Variants in GALNT17 observed in about 807,000 individuals in gnomAD.
GALNT17 encodes polypeptide N-acetylgalactosaminyltransferase 17.
A neutral mutation model predicts 63.7 loss-of-function variants in GALNT17; 29 were observed. The ratio of observed to expected loss-of-function variants is 0.46; its 90% CI spans 0.34 to 0.62. The LOEUF (loss-of-function observed/expected upper bound fraction) is 0.62. GALNT17 is among the 20% of genes least tolerant of loss of function. The pLI is 0.01. For missense variants in GALNT17, 603 were observed against 799.6 expected, an observed-to-expected ratio of 0.75 and a Z score of 2.97; for synonymous variants, 305 against 318.3, an observed-to-expected ratio of 0.96 and a Z score of 0.45.
chr7:71,228,419 G>T (rs770626452), intron 1 of GALNT17, among the ~76,000 whole-genome samples: 1 of 152,276 alleles, frequency 6.6e-6, no homozygotes, highest in African/African-American at 2.4e-5. Context: ...TTTGTTTCCT[G>T]TAGCCCTTGT....
chr7:71,306,721 G>T (rs1791306379), intron 1 of GALNT17, among the ~76,000 whole-genome samples: 1 of 152,198 alleles, frequency 6.6e-6, no homozygotes, highest in South Asian at 2.1e-4. Context: ...TTCATCTGTT[G>T]ATGGGTACTT....
chr7:71,357,227 T>A (rs2527288), intron 2 of GALNT17, among the ~76,000 whole-genome samples: 4,776 of 152,266 alleles, frequency 0.031, 248 homozygotes, highest in African/African-American at 0.11. Flanking sequence ...TGGGACGCAC[T>A]GCAGGAAGTG....
At chr7:71,287,175 G>A (rs368146929) in intron 1 of GALNT17, among the ~76,000 whole-genome samples, 2 of 151,966 alleles carry the variant, frequency 1.3e-5, no homozygotes, top group Non-Finnish European at 2.9e-5. Flanking sequence ...CTGCATCCTC[G>A]ACCTCCTGAG....
chr7:71,679,787 A>G (rs1018327670), intron 9 of GALNT17, among the ~76,000 whole-genome samples: 2 of 151,880 alleles, frequency 1.3e-5, no homozygotes, highest in African/African-American at 2.4e-5. Context: ...GGCTGCGACA[A>G]CACCAGCTCC....
At chr7:71,329,267 G>T (rs937338302) in intron 1 of GALNT17, among the ~76,000 whole-genome samples, 1 of 152,146 alleles carries the variant, frequency 6.6e-6, no homozygotes, top group African/African-American at 2.4e-5. Flanking sequence ...AAGTACTGGG[G>T]AAGGGAAAGG....
chr7:71,446,561 A>AT (rs1428636804), intron 5 of GALNT17, among the ~76,000 whole-genome samples: 3 of 152,140 alleles, frequency 2.0e-5, no homozygotes, highest in Non-Finnish European at 4.4e-5. Context: ...TTACTTATTT[A>AT]TTTTGAGGTG....
chr7:71,256,551 G>A (rs1003999930), intron 1 of GALNT17, among the ~76,000 whole-genome samples: 11 of 152,214 alleles, frequency 7.2e-5, no homozygotes, highest in Admixed American at 5.2e-4. Flanking sequence ...CAGCCTGGGC[G>A]ACAGAGTGAG....
intron 5 of GALNT17, among the ~76,000 whole-genome samples, chr7:71,544,124 C>CTTTT (rs60144462): frequency 3.8e-5 from 5 of 132,446 alleles, no homozygotes; most frequent in South Asian, 2.5e-4. Context: ...TTTCTTTTTT[C>CTTTT]TTTTTTTTTT....
intron 8 of GALNT17, among the ~76,000 whole-genome samples, chr7:71,671,969 A>G (rs566915877): frequency 4.7e-4 from 70 of 147,510 alleles, no homozygotes; most frequent in African/African-American, 1.6e-3. Context: ...CAGAAGTTGC[A>G]GTGAGCTGAG....
At chr7:71,370,516 C>A (rs540019874) in intron 2 of GALNT17, among the ~76,000 whole-genome samples, 16 of 152,116 alleles carry the variant, frequency 1.1e-4, no homozygotes, top group African/African-American at 3.9e-4. Context: ...ACAGAGTTTC[C>A]ATCTGTCACC....
chr7:71,350,501 A>G (rs1257304315), intron 2 of GALNT17, among the ~76,000 whole-genome samples: 2 of 152,220 alleles, frequency 1.3e-5, no homozygotes, highest in Admixed American at 6.5e-5. Context: ...AAAATACTAG[A>G]AAAAAAATAA....
At chr7:71,139,747 C>T (rs949771685) in intron 1 of GALNT17, among the ~76,000 whole-genome samples, 8 of 152,132 alleles carry the variant, frequency 5.3e-5, no homozygotes, top group Non-Finnish European at 5.9e-5. Context: ...AATCCCAGCA[C>T]TTTGGGAGGC....
intron 1 of GALNT17, among the ~76,000 whole-genome samples, chr7:71,263,826 A>G (rs1268952895): frequency 6.6e-6 from 1 of 152,052 alleles, no homozygotes; most frequent in Non-Finnish European, 1.5e-5. Flanking sequence ...TGGGAGGCTG[A>G]GGCAGGAGAA....
Position 71,591,406 on chromosome 7 carries a change from G to A in GALNT17, c.1080+20004G>A, listed in dbSNP as rs558785164. 1.4e-4 allele frequency among the ~76,000 whole-genome samples: 21 copies of A among 152,170 alleles called. No individual in the cohort carries two copies. The Middle Eastern group carries it at 0.01, about 74-fold the overall frequency. Reference sequence around the variant, plus strand: ...CACAAGGAACAGCTGTAAGGGTCCCGAATTGCTCCCTGCAGCCCTGGATCC... The same window carrying A: ...CACAAGGAACAGCTGTAAGGGTCCCAAATTGCTCCCTGCAGCCCTGGATCC... On this transcript the variant is annotated intron_variant, in intron 6 of 10. Coordinates refer to ENST00000333538, the MANE Select transcript of GALNT17 (RefSeq NM_022479.3).
chr7:71,201,451 C>T (rs866529378), intron 1 of GALNT17, among the ~76,000 whole-genome samples: 8 of 151,672 alleles, frequency 5.3e-5, no homozygotes, highest in African/African-American at 1.5e-4. Context: ...AACTCTTACA[C>T]GGGAGGACAA....
chr7:71,326,794 C>T (rs1791713114), intron 1 of GALNT17, among the ~76,000 whole-genome samples: 1 of 152,120 alleles, frequency 6.6e-6, no homozygotes. Context: ...TCCTTATCAC[C>T]CTAGAAACAC....
At chr7:71,411,937 A>G (rs1429261861) in intron 3 of GALNT17, among the ~76,000 whole-genome samples, 2 of 152,200 alleles carry the variant, frequency 1.3e-5, no homozygotes, top group Non-Finnish European at 2.9e-5. Flanking sequence ...AAACTCTGCC[A>G]AACACTTCAC....
chr7:71,613,965 C>T (rs1307716489), intron 6 of GALNT17, among the ~76,000 whole-genome samples: 2 of 151,780 alleles, frequency 1.3e-5, no homozygotes, highest in African/African-American at 2.4e-5. Context: ...AAAACAAACA[C>T]ACAAAAAACT....
chr7:71,290,052 C>T (rs1202232156), intron 1 of GALNT17, among the ~76,000 whole-genome samples: 1 of 152,002 alleles, frequency 6.6e-6, no homozygotes, highest in African/African-American at 2.4e-5. Context: ...CAAAAAAAAC[C>T]AAAAACAAAA....
Sources: allele counts gnomAD v4.1 joint callset (sites outside exome capture counted in the v4.1 genomes callset), GRCh38; gene constraint gnomAD v4.1.1; transcripts MANE v1.5; gene names NCBI Gene and HGNC (gene_info 2026-07-23, HGNC 2026-07-21).